LRRC14: variants seen among roughly 807,000 people sequenced by gnomAD.
LRRC14 encodes leucine-rich repeat-containing protein 14.
LRRC14 carries 16 observed loss-of-function variants against 25.3 expected under a neutral mutation model. The ratio of observed to expected loss-of-function variants is 0.63; its 90% CI spans 0.43 to 0.96. The LOEUF is 0.96. Among genes scored for constraint, LRRC14 ranks in the 40% least tolerant of loss-of-function variants. The pLI is 0.00. For missense variants in LRRC14, 594 were observed against 660.5 expected (o/e 0.90, Z 1.10); for synonymous variants, 359 against 295.1 (o/e 1.22, Z -2.22).
At position 144,523,817 on chromosome 8, in the gene LRRC14, G is replaced by A; in HGVS notation, c.*2339G>A. The stretch of plus-strand genomic sequence containing the variant: ...GGAATGTCCCCAGTCCTGGTCAGCT[G>A]TCTCTCTCCTTTGCAATTTTGTCTG... On this transcript the variant is annotated 3_prime_UTR_variant, in exon 4 of 4. Coordinates refer to ENST00000292524, the MANE Select transcript of LRRC14 (RefSeq NM_014665.4). The A allele has an allele frequency of 4.2e-6, 2 of 472,702 alleles. No individual in the cohort carries two copies. Among genetic ancestry groups the A allele is most frequent in the Non-Finnish European group, 7.5e-6 (2 of 267,090 alleles). 29.3% of individuals were successfully genotyped at this position (472,702 alleles called of 1,614,324 possible).
chr8:144,520,596 A>G lies in LRRC14; in HGVS notation c.688A>G (p.Asn230Asp). The change falls in exon 3 of 4, where the codon AAC (asparagine) becomes GAC (aspartate). Residue 230 changes from asparagine (N) to aspartate (D), a missense_variant. Physicochemically the swap from Asn to Asp is conservative, Grantham distance 23. Transcript: ENST00000292524. ...CCTGCGCCGCGTGGACCTGCGCTTC[A>G]ACAATCTGGGCCTGCGCGGCCTGTC... Reference protein sequence around the residue: ...GCLRRVDLRFNNLGLRGLSVI... With the variant: ...GCLRRVDLRFDNLGLRGLSVI... 1.2e-6 allele frequency: 2 copies of G among 1,601,200 alleles called. No homozygotes were observed. The highest frequency in any genetic ancestry group is 1.7e-6 in the Non-Finnish European group (2 of 1,179,922).
rs1184055271 is a variant in LRRC14 at position 144,520,049 on chromosome 8, C to G, written c.324C>G (p.Leu108=). 5.6e-6 allele frequency: 9 copies of G among 1,603,494 alleles called. No individual in the cohort carries two copies. Among genetic ancestry groups the G allele is most frequent in the Non-Finnish European group, 7.6e-6 (9 of 1,177,140 alleles). Reference sequence around the variant, plus strand: ...AGCCTGGGGCCAGCACACAGCCCCTCTGCAGGTATGGACTTATCTGGAGGG... The same window carrying G: ...AGCCTGGGGCCAGCACACAGCCCCTGTGCAGGTATGGACTTATCTGGAGGG... The part of the protein sequence containing the change: ...TSEPGASTQP[L]CRKHALRVLD... The change falls in exon 2 of 4, where the codon CTC becomes CTG. Residue 108 remains leucine, a synonymous_variant. Transcript: ENST00000292524.
chr8:144,519,072 G>C (rs1815737506), intron 1 of LRRC14, among the ~76,000 whole-genome samples: 1 of 152,186 alleles, frequency 6.6e-6, no homozygotes, highest in Admixed American at 6.5e-5. Context: ...GCTTTTGCGG[G>C]GGCTTGTATT....
Position 144,519,615 on chromosome 8 carries a change from G to T in LRRC14, c.-111G>T. 1 of 929,810 alleles carries T rather than the reference G, an allele frequency of 1.1e-6. No individual in the cohort carries two copies. The highest frequency in any genetic ancestry group is 1.6e-6 in the Non-Finnish European group (1 of 613,200). 57.6% of individuals were successfully genotyped at this position (929,810 alleles called of 1,614,324 possible). A position where few individuals can be genotyped will look rare whatever the true frequency, so the allele number is the denominator to read the frequency against. On this transcript the variant is annotated splice_region_variant and 5_prime_UTR_variant, in exon 2 of 4. Transcript: ENST00000292524. ...CTGCTAACTGCTGACTTTGTTTCAG[G>T]CACTATGCTGGGCCTTCCTACCACT... is the stretch of plus-strand genomic sequence containing the variant.
rs994951710 is a variant in LRRC14, at chr8:144,522,330, C to G, written c.*852C>G. 1.6e-6 allele frequency: 2 copies of G among 1,243,382 alleles called. No homozygotes were observed. The highest frequency in any genetic ancestry group is 2.1e-6 in the Non-Finnish European group (2 of 964,810). The allele number at this position is 1,243,382 out of a possible 1,614,324, so 77.0% of individuals were successfully genotyped here. ...TCCCCGGCCACCTTCCATTGCTACC[C>G]CAGGATTCCCGAGTGCAACGTTCCC... On this transcript the variant is annotated 3_prime_UTR_variant, in exon 4 of 4. Transcript: ENST00000292524.
Position 144,523,675 on chromosome 8 carries a change from T to A in LRRC14, c.*2197T>A. ...GGTCTCTGAGAAAGCACCTGCTCCT[T>A]AAGTCTTCCTGCAACAAGTGCCACT... On this transcript the variant is annotated 3_prime_UTR_variant, in exon 4 of 4. Coordinates refer to ENST00000292524, the MANE Select transcript of LRRC14 (RefSeq NM_014665.4). The A allele has an allele frequency of 2.2e-6, 1 of 453,336 alleles. No individual in the cohort carries two copies. Among genetic ancestry groups the A allele is most frequent in the Non-Finnish European group, 3.8e-6 (1 of 264,846 alleles). The allele number at this position is 453,336 out of a possible 1,614,324, so 28.1% of individuals were successfully genotyped here.
At position 144,520,477 on chromosome 8, in the gene LRRC14, G is replaced by A. The variant is rs764977052; in HGVS notation, c.569G>A (p.Gly190Asp). The A allele has an allele frequency of 1.9e-6, 3 of 1,597,564 alleles. No homozygotes were observed. In the Admixed American group the frequency reaches 5.0e-5, roughly 27 times the overall value. The change falls in exon 3 of 4, where the codon GGC becomes GAC. Residue 190 changes from glycine (G) to aspartate (D), a missense_variant. By Grantham distance (94) the Gly-to-Asp change is moderately conservative. Coordinates refer to ENST00000292524, the MANE Select transcript of LRRC14 (RefSeq NM_014665.4). The part of the protein sequence containing the change: ...FLREALRSSV[G>D]SPLRLCCRDL... Reference sequence around the variant, plus strand: ...CGGGAGGCACTCCGAAGCAGCGTGGGCAGCCCGCTGCGGCTCTGCTGCCGG... The same window carrying A: ...CGGGAGGCACTCCGAAGCAGCGTGGACAGCCCGCTGCGGCTCTGCTGCCGG...
chr8:144,524,397 G>A lies in LRRC14; in HGVS notation c.*2919G>A. On this transcript the variant is annotated 3_prime_UTR_variant, in exon 4 of 4. Transcript: ENST00000292524. ...ACTATTCCAGCCCTACAGGGCGAGG[G>A]GCCATAATGGAGTATCCCGCCCCTT... 1 of 1,594,526 alleles carries A rather than the reference G, an allele frequency of 6.3e-7. No homozygotes were observed. Among genetic ancestry groups the A allele is most frequent in the Non-Finnish European group, 8.5e-7 (1 of 1,177,470 alleles).
rs1816290446 is a variant in LRRC14 at position 144,524,692 on chromosome 8, C to T, written c.*3214C>T. ...GCCAGGGCTCCCGGCTCTAGGCGGG[C>T]GATGTTGTTGTCCTGCAGGAACAGT... On this transcript the variant is annotated 3_prime_UTR_variant, in exon 4 of 4. Transcript: ENST00000292524. 1.4e-6 allele frequency: 2 copies of T among 1,468,008 alleles called. No homozygotes were observed. The highest frequency in any genetic ancestry group is 2.7e-5 in the Admixed American group (1 of 36,922). The allele number at this position is 1,468,008 out of a possible 1,614,324, so 90.9% of individuals were successfully genotyped here.
At chr8:144,519,458 C>G in intron 1 of LRRC14, 157 bp from the exon 2 acceptor site, 1 of 564,854 alleles carries the variant, frequency 1.8e-6, no homozygotes, top group Non-Finnish European at 3.2e-6. Flanking sequence ...TGCCACACTG[C>G]TTGACGCTTA....
In LRRC14 at chr8:144,519,740, G is replaced by A. The variant is rs1239625299; in HGVS notation, c.15G>A (p.Val5=). 6.2e-7 allele frequency: 1 copy of A among 1,612,274 alleles called. No individual in the cohort carries two copies. The highest frequency in any genetic ancestry group is 8.5e-7 in the Non-Finnish European group (1 of 1,179,776). MHTL[V]FLSTRQVLQC... is the part of the protein sequence containing the mutation. ...GGCCCAGCACCATGCACACGCTTGT[G>A]TTCTTGAGCACACGGCAGGTGCTGC... The change falls in exon 2 of 4, where the codon GTG becomes GTA. Residue 5 remains valine, a synonymous_variant. Transcript: ENST00000292524.
At chr8:144,519,246 T>G in intron 1 of LRRC14, 1 of 181,172 alleles carries the variant, frequency 5.5e-6, no homozygotes, top group East Asian at 1.3e-4. Context: ...GAAAGGTGAT[T>G]TGGCTGCTTG....
At position 144,523,869 on chromosome 8, in the gene LRRC14, A is replaced by C; in HGVS notation, c.*2391A>C. 3 of 553,148 alleles carry C rather than the reference A, an allele frequency of 5.4e-6. No individual in the cohort carries two copies. Among genetic ancestry groups the C allele is most frequent in the Non-Finnish European group, 9.5e-6 (3 of 314,714 alleles). The allele number at this position is 553,148 out of a possible 1,614,324, so 34.3% of individuals were successfully genotyped here. A position where few individuals can be genotyped will look rare whatever the true frequency, so the allele number is the denominator to read the frequency against. ...CTCCCCTCAGCCTAAAAGTGTGCAG[A>C]ACCCTCAATTCTGTTAAGTCACCCT... On this transcript the variant is annotated 3_prime_UTR_variant, in exon 4 of 4. Transcript: ENST00000292524.
chr8:144,523,617 T>TAACAGGCAGGCATCACAGA lies in LRRC14; in HGVS notation c.*2139_*2140insAACAGGCAGGCATCACAGA. 1.5e-6 allele frequency: 1 copy of TAACAGGCAGGCATCACAGA among 655,666 alleles called. No individual in the cohort carries two copies. Among genetic ancestry groups the TAACAGGCAGGCATCACAGA allele is most frequent in the Non-Finnish European group, 2.3e-6 (1 of 435,754 alleles). The allele number at this position is 655,666 out of a possible 1,614,324, so 40.6% of individuals were successfully genotyped here. A position where few individuals can be genotyped will look rare whatever the true frequency, so the allele number is the denominator to read the frequency against. ...CTCGCCCCCCTCCCCTTTAGCTCTG[T>TAACAGGCAGGCATCACAGA]GATGCCTGCCTGTTACAGATCACTT... On this transcript the variant is annotated 3_prime_UTR_variant, in exon 4 of 4. Coordinates refer to ENST00000292524, the MANE Select transcript of LRRC14 (RefSeq NM_014665.4).
intron 1 of LRRC14, 169 bp from the exon 2 acceptor site, chr8:144,519,446 G>A (rs1036496867): frequency 7.4e-6 from 4 of 537,590 alleles, no homozygotes; most frequent in Non-Finnish European, 1.3e-5. Context: ...AGTTGTTGAC[G>A]ATGCCACACT....
At position 144,522,766 on chromosome 8, in the gene LRRC14, C is replaced by A. The variant is rs1478045620; in HGVS notation, c.*1288C>A. ...AGATCATGGCGACCAGGAGCAGCGC[C>A]GTGAGCGCCAGCAGCGCGATGGCCG... On this transcript the variant is annotated 3_prime_UTR_variant, in exon 4 of 4. Coordinates refer to ENST00000292524, the MANE Select transcript of LRRC14 (RefSeq NM_014665.4). The A allele has an allele frequency of 1.3e-6, 2 of 1,574,086 alleles. No homozygotes were observed. The highest frequency in any genetic ancestry group is 8.6e-7 in the Non-Finnish European group (1 of 1,163,088).
chr8:144,523,235 G>A lies in LRRC14; in HGVS notation c.*1757G>A. On this transcript the variant is annotated 3_prime_UTR_variant, in exon 4 of 4. Coordinates refer to ENST00000292524, the MANE Select transcript of LRRC14 (RefSeq NM_014665.4). ...GAGCTCCAGCGGCTGCACGTGGACA[G>A]AGGGCGGAATGCAGATGAGGCTGCT... is the stretch of plus-strand genomic sequence containing the variant. 1.2e-6 allele frequency: 2 copies of A among 1,610,350 alleles called. No individual in the cohort carries two copies. The highest frequency in any genetic ancestry group is 1.7e-6 in the Non-Finnish European group (2 of 1,178,924).
In LRRC14 at chr8:144,519,754, G is replaced by A; in HGVS notation, c.29G>A (p.Arg10Gln). MHTLVFLST[R>Q]QVLQCQPAAC... The stretch of plus-strand genomic sequence containing the variant: ...CACACGCTTGTGTTCTTGAGCACAC[G>A]GCAGGTGCTGCAGTGCCAGCCAGCT... Residue 10 changes from arginine to glutamine, a missense_variant, in exon 2 of 4, where the codon CGG becomes CAG. By Grantham distance (43) the Arg-to-Gln change is conservative. Coordinates refer to ENST00000292524, the MANE Select transcript of LRRC14 (RefSeq NM_014665.4). The A allele has an allele frequency of 2.5e-6, 4 of 1,612,524 alleles. No individual in the cohort carries two copies. Among genetic ancestry groups the A allele is most frequent in the Non-Finnish European group, 2.5e-6 (3 of 1,179,928 alleles).
chr8:144,522,936 G>T lies in LRRC14; in HGVS notation c.*1458G>T, dbSNP rs13263500. The T allele has an allele frequency of 6.5e-7, 1 of 1,542,900 alleles. No individual in the cohort carries two copies. Among genetic ancestry groups the T allele is most frequent in the Non-Finnish European group, 8.7e-7 (1 of 1,154,402 alleles). On this transcript the variant is annotated 3_prime_UTR_variant, in exon 4 of 4. Coordinates refer to ENST00000292524, the MANE Select transcript of LRRC14 (RefSeq NM_014665.4). ...GGCTGCTGCCGGGACGCGTTGACCAGGAGCCGGAAGGGCACGCGGGCAGCG... is the reference window on the plus strand; with the variant it reads ...GGCTGCTGCCGGGACGCGTTGACCATGAGCCGGAAGGGCACGCGGGCAGCG...
Sources: allele counts gnomAD v4.1 joint callset (sites outside exome capture counted in the v4.1 genomes callset), GRCh38; gene constraint gnomAD v4.1.1; transcripts MANE v1.5; gene names NCBI Gene and HGNC (gene_info 2026-07-23, HGNC 2026-07-21).